Variants in TBCB observed in about 807,000 individuals in gnomAD.
TBCB encodes tubulin folding cofactor B.
Under a neutral mutation model 29.2 loss-of-function variants are expected in TBCB, and 18 were observed. That is an observed-to-expected ratio of 0.62 (90% CI 0.43 to 0.91). The LOEUF (loss-of-function observed/expected upper bound fraction) is 0.91, where lower values mean the gene tolerates loss of function less well. Among genes scored for constraint, TBCB ranks in the 40% least tolerant of loss-of-function variants. TBCB has a pLI of 0.00. For synonymous variants in TBCB, 172 were observed against 137.8 expected (o/e 1.25, Z -1.74); for missense variants, 336 against 337.6 (o/e 1.00, Z 0.04).
intron 2 of TBCB, among the ~76,000 whole-genome samples, chr19:36,119,883 G>A (rs10407011): frequency 0.29 from 42,208 of 147,966 alleles, 6,275 homozygotes; most frequent in Non-Finnish European, 0.33. Flanking sequence ...GTGACAGAGC[G>A]AGACTCCGTC....
chr19:36,124,886 A>G (rs1476123002), intron 4 of TBCB, among the ~76,000 whole-genome samples: 1 of 152,112 alleles, frequency 6.6e-6, no homozygotes, highest in African/African-American at 2.4e-5. Flanking sequence ...TCCTTTGGCC[A>G]TGATCGTGGC....
At chr19:36,122,400 G>A (rs975634298) in intron 4 of TBCB, among the ~76,000 whole-genome samples, 1 of 151,794 alleles carries the variant, frequency 6.6e-6, no homozygotes, top group Admixed American at 6.6e-5. Flanking sequence ...AGCTATGATT[G>A]TGTCATTGCA....
intron 4 of TBCB, among the ~76,000 whole-genome samples, chr19:36,124,082 G>A (rs572073621): frequency 6.6e-6 from 1 of 152,200 alleles, no homozygotes; most frequent in South Asian, 2.1e-4. Context: ...ACTTTAGTCT[G>A]TCTTTTGCTT....
chr19:36,115,800 C>G (rs1429277387), intron 1 of TBCB, 126 bp downstream of exon 1: 2 of 1,135,886 alleles, frequency 1.8e-6, no homozygotes, highest in Non-Finnish European at 2.5e-6. Flanking sequence ...GCTGCGGAGG[C>G]TGGGGACCCG....
chr19:36,121,524 C>A lies in TBCB; in HGVS notation c.356-3C>A. 6.4e-7 allele frequency: 1 copy of A among 1,553,878 alleles called. No individual in the cohort carries two copies. The highest frequency in any genetic ancestry group is 8.7e-7 in the Non-Finnish European group (1 of 1,151,716). ...AACTGACCCCAGCCCCCTCTGCCCA[C>A]AGACACGGTCCGCTCTTTCCTGAAG... On this transcript the variant is annotated splice_region_variant and splice_polypyrimidine_tract_variant and intron_variant, in intron 3 of 5. Coordinates refer to ENST00000221855, the MANE Select transcript of TBCB (RefSeq NM_001281.3).
At chr19:36,121,279 G>A (rs1363350475) in intron 3 of TBCB, among the ~76,000 whole-genome samples, 1 of 151,970 alleles carries the variant, frequency 6.6e-6, no homozygotes, top group Non-Finnish European at 1.5e-5. Context: ...GCGCTGAAGG[G>A]GTGAGAGACC....
intron 2 of TBCB, 116 bp downstream of exon 2, chr19:36,116,300 C>T (rs1179550701): frequency 6.6e-6 from 9 of 1,368,382 alleles, no homozygotes; most frequent in East Asian, 2.4e-5. Context: ...CTTCGTGGAG[C>T]CTCCAGTGCA....
chr19:36,118,707 C>T (rs1973996887), intron 2 of TBCB: 6 of 146,934 alleles, frequency 4.1e-5, no homozygotes. Flanking sequence ...AAAAGGTTAA[C>T]TGAAGATGGG....
intron 4 of TBCB, chr19:36,122,300 C>T (rs984832492): frequency 1.2e-5 from 2 of 171,594 alleles, no homozygotes; most frequent in Non-Finnish European, 2.5e-5. Flanking sequence ...AAAGAACAGG[C>T]TAGGCATGAT....
At chr19:36,120,835 G>T (rs371607562) in intron 3 of TBCB, 29 bp downstream of exon 3, 1 of 1,607,670 alleles carries the variant, frequency 6.2e-7, no homozygotes, top group African/African-American at 1.3e-5. Flanking sequence ...CGAGGGGTGC[G>T]TGGGGGCCAG....
chr19:36,121,692 C>G lies in TBCB; in HGVS notation c.521C>G (p.Pro174Arg). ...GAGGTGCGGGCGGCGGGACAATCCCCTCGCCGGGGCACCGTCATGTATGTA... is the reference window on the plus strand; with the variant it reads ...GAGGTGCGGGCGGCGGGACAATCCCGTCGCCGGGGCACCGTCATGTATGTA... ...RCEVRAAGQS[P>R]RRGTVMYVGL... Residue 174 changes from proline to arginine, a missense_variant, in exon 4 of 6, where the codon CCT (proline) becomes CGT (arginine). By Grantham distance (103) the Pro-to-Arg change is moderately radical. Coordinates refer to ENST00000221855, the MANE Select transcript of TBCB (RefSeq NM_001281.3). The G allele has an allele frequency of 2.6e-6, 4 of 1,554,020 alleles. No homozygotes were observed. Among genetic ancestry groups the G allele is most frequent in the Non-Finnish European group, 3.5e-6 (4 of 1,150,154 alleles).
At chr19:36,124,559 GA>G (rs1974106844) in intron 4 of TBCB, among the ~76,000 whole-genome samples, 3 of 150,452 alleles carry the variant, frequency 2.0e-5, no homozygotes, top group Admixed American at 1.3e-4. Flanking sequence ...TTTTTCTTTT[GA>G]GACGTAATCT....
chr19:36,120,870 C>T (rs1299673682), intron 3 of TBCB, 64 bp downstream of exon 3: 46 of 1,532,952 alleles, frequency 3.0e-5, no homozygotes, highest in Middle Eastern at 1.7e-4. Context: ...GGTATGAGGG[C>T]GGGCAGGTTA....
At chr19:36,119,573 T>C (rs1287464039) in intron 2 of TBCB, among the ~76,000 whole-genome samples, 1 of 152,130 alleles carries the variant, frequency 6.6e-6, no homozygotes, top group African/African-American at 2.4e-5. Context: ...CCTGCCCTGG[T>C]GGCACTTCGC....
Position 36,125,544 on chromosome 19 carries a change from G to C in TBCB, c.620+21G>C, listed in dbSNP as rs746535006. 20 of 1,614,020 alleles carry C rather than the reference G, an allele frequency of 1.2e-5. No homozygotes were observed. The East Asian group carries it at 4.0e-4, about 32-fold the overall frequency. ...GGCAGGTAACAAGAATTCCCACTCA[G>C]GTGTCTGTGTGTGCATTTGTGTGTA... is the stretch of plus-strand genomic sequence containing the variant. On this transcript the variant is annotated intron_variant, in intron 5 of 5. Coordinates refer to ENST00000221855, the MANE Select transcript of TBCB (RefSeq NM_001281.3).
rs1347845997 is a variant in TBCB, at chr19:36,121,636, G to A, written c.465G>A (p.Gln155=). 6.4e-7 allele frequency: 1 copy of A among 1,558,714 alleles called. No homozygotes were observed. Among genetic ancestry groups the A allele is most frequent in the Non-Finnish European group, 8.7e-7 (1 of 1,152,962 alleles). Residue 155 remains glutamine (Q), a synonymous_variant, in exon 4 of 6, where the codon CAG becomes CAA. Transcript: ENST00000221855. The stretch of plus-strand genomic sequence containing the variant: ...AGCGCCTGGCCGAGGAGAAGGCCCA[G>A]GCCAGCTCCATCCCCGTGGGCAGCC... ...AAQRLAEEKA[Q]ASSIPVGSRC... is the part of the protein sequence containing the mutation.
rs1973940784 is a variant in TBCB at position 36,115,815 on chromosome 19, C to G, written c.114+141C>G. 3 of 1,077,560 alleles carry G rather than the reference C, an allele frequency of 2.8e-6. No individual in the cohort carries two copies. The East Asian group carries it at 7.9e-5, about 28-fold the overall frequency. 66.7% of individuals were successfully genotyped at this position (1,077,560 alleles called of 1,614,324 possible). ...GCTGCGGAGGCTGGGGACCCGGTCG[C>G]GGCGGGGCGGGTCCGGAGAGAACTC... On this transcript the variant is annotated intron_variant, in intron 1 of 5. Transcript: ENST00000221855.
Position 36,115,515 on chromosome 19 carries a change from G to C in TBCB, c.-46G>C, listed in dbSNP as rs781369700. 12 of 1,464,726 alleles carry C rather than the reference G, an allele frequency of 8.2e-6. No individual in the cohort carries two copies. Among genetic ancestry groups the C allele is most frequent in the Admixed American group, 2.0e-5 (1 of 51,152 alleles). 90.7% of individuals were successfully genotyped at this position (1,464,726 alleles called of 1,614,324 possible). A position where few individuals can be genotyped will look rare whatever the true frequency, so the allele number is the denominator to read the frequency against. ...CGGCGGCGGCGGCTGCGGAGCGGGT[G>C]TGAGGCGGCTGGACCGCGCTGCAGG... On this transcript the variant is annotated 5_prime_UTR_variant, in exon 1 of 6. Transcript: ENST00000221855.
intron 2 of TBCB, among the ~76,000 whole-genome samples, chr19:36,119,828 A>C (rs1200395203): frequency 1.3e-5 from 2 of 151,576 alleles, no homozygotes; most frequent in African/African-American, 4.9e-5. Flanking sequence ...GCAGTGAGGC[A>C]GAGGTTTCCG....
Sources: gnomAD v4.1 joint callset for allele counts (sites outside exome capture counted in the v4.1 genomes callset) on GRCh38, gnomAD v4.1.1 for gene constraint, MANE v1.5 for transcripts, NCBI Gene and HGNC (gene_info 2026-07-23, HGNC 2026-07-21) for gene names.